EEFSEC: variants seen among roughly 807,000 people sequenced by gnomAD.
EEFSEC encodes the protein selenocysteine-specific elongation factor.
In EEFSEC, 43 loss-of-function variants were observed where a neutral mutation model predicts 42.1. The observed-to-expected ratio is 1.02, with a 90% CI of 0.80 to 1.32. The LOEUF (loss-of-function observed/expected upper bound fraction) is 1.32. Among genes scored for constraint, EEFSEC ranks in the 40% most tolerant of loss-of-function variants. The pLI, the probability that EEFSEC is intolerant of heterozygous loss-of-function variation, is 0.00. For missense variants in EEFSEC, 745 were observed against 803.6 expected (o/e 0.93, Z 0.88); for synonymous variants, 354 against 339.1 (o/e 1.04, Z -0.48).
chr3:128,300,962 T>G (rs2066760806), intron 4 of EEFSEC, among the ~76,000 whole-genome samples: 3 of 152,208 alleles, frequency 2.0e-5, no homozygotes, highest in Admixed American at 2.0e-4. Context: ...TTATTTTATC[T>G]TATTGTCTAT....
intron 4 of EEFSEC, among the ~76,000 whole-genome samples, chr3:128,274,014 C>T (rs899985670): frequency 6.6e-6 from 1 of 152,176 alleles, no homozygotes; most frequent in Non-Finnish European, 1.5e-5. Flanking sequence ...TCAAGCCCTG[C>T]CCCAGCCCAA....
chr3:128,168,146 G>T (rs2065260523), intron 1 of EEFSEC, among the ~76,000 whole-genome samples: 1 of 152,126 alleles, frequency 6.6e-6, no homozygotes, highest in African/African-American at 2.4e-5. Context: ...CCAGAGCTTG[G>T]GGATGGGGAA....
intron 6 of EEFSEC, among the ~76,000 whole-genome samples, chr3:128,388,682 G>A (rs761617093): frequency 6.6e-6 from 1 of 152,230 alleles, no homozygotes; most frequent in Admixed American, 6.5e-5. Flanking sequence ...TTGCCTCTTC[G>A]AGGCCTTCTC....
At chr3:128,373,373 A>G (rs1173765213) in intron 6 of EEFSEC, among the ~76,000 whole-genome samples, 1 of 152,190 alleles carries the variant, frequency 6.6e-6, no homozygotes, top group Non-Finnish European at 1.5e-5. Flanking sequence ...ACCTGGCCAC[A>G]GAGTCAGCTG....
At chr3:128,370,269 C>T in intron 6 of EEFSEC, among the ~76,000 whole-genome samples, 1 of 152,072 alleles carries the variant, frequency 6.6e-6, no homozygotes, top group Admixed American at 6.5e-5. Context: ...ATAGGCAATG[C>T]TAGGTTTGAC....
rs1403298674 is a variant in EEFSEC, at chr3:128,296,774, C to T, written c.786+31993C>T. On this transcript the variant is annotated intron_variant, in intron 4 of 6. Transcript: ENST00000254730. ...TGCCCCTGAGATGGCCTGAAAGACACGATTTGGATTTGTCCCAGTTGGCAT... is the reference window on the plus strand; with the variant it reads ...TGCCCCTGAGATGGCCTGAAAGACATGATTTGGATTTGTCCCAGTTGGCAT... 3.3e-5 allele frequency among the ~76,000 whole-genome samples: 5 copies of T among 152,318 alleles called. No homozygotes were observed. The East Asian group carries it at 5.8e-4, about 18-fold the overall frequency.
intron 1 of EEFSEC, among the ~76,000 whole-genome samples, chr3:128,207,649 T>G (rs2065713034): frequency 6.6e-6 from 1 of 151,768 alleles, no homozygotes; most frequent in Non-Finnish European, 1.5e-5. Context: ...TTCTTTTGAC[T>G]TAATGTTTTT....
chr3:128,244,312 C>T (rs1254493070), intron 1 of EEFSEC, among the ~76,000 whole-genome samples: 3 of 152,122 alleles, frequency 2.0e-5, no homozygotes, highest in African/African-American at 7.2e-5. Context: ...TTGGGCTCAG[C>T]TTGTGTGAGG....
At chr3:128,249,566 G>A (rs1365569649) in intron 2 of EEFSEC, among the ~76,000 whole-genome samples, 2 of 152,012 alleles carry the variant, frequency 1.3e-5, no homozygotes, top group Non-Finnish European at 2.9e-5. Context: ...CATAAACTCT[G>A]TAGCCATTAA....
intron 3 of EEFSEC, 83 bp downstream of exon 3, chr3:128,262,307 GAGAA>G (rs753089591): frequency 2.6e-4 from 330 of 1,267,972 alleles, no homozygotes; most frequent in Non-Finnish European, 3.4e-4. Context: ...TCCCCTGAGA[GAGAA>G]AGAGAGGCAG....
At chr3:128,175,115 C>G (rs1039897035) in intron 1 of EEFSEC, among the ~76,000 whole-genome samples, 1 of 151,754 alleles carries the variant, frequency 6.6e-6, no homozygotes, top group Non-Finnish European at 1.5e-5. Context: ...TGCTCTACTC[C>G]TCCTCCCTTC....
At chr3:128,337,001 G>A (rs1270473432) in intron 4 of EEFSEC, 1 of 152,234 alleles carries the variant, frequency 6.6e-6, no homozygotes, top group Non-Finnish European at 1.5e-5. Context: ...GCGAATGTTT[G>A]AGGAGTGAGT....
At chr3:128,215,249 G>T (rs527473776) in intron 1 of EEFSEC, among the ~76,000 whole-genome samples, 1 of 152,250 alleles carries the variant, frequency 6.6e-6, no homozygotes, top group Admixed American at 6.5e-5. Flanking sequence ...CTCCTTTTGT[G>T]TCTCTCTGCC....
chr3:128,406,244 A>C (rs2068112259), intron 6 of EEFSEC, among the ~76,000 whole-genome samples: 1 of 152,212 alleles, frequency 6.6e-6, no homozygotes, highest in African/African-American at 2.4e-5. Flanking sequence ...TTCCTCATGA[A>C]TACAAGCCCC....
chr3:128,306,309 T>C (rs1021548014), intron 4 of EEFSEC, among the ~76,000 whole-genome samples: 3 of 152,318 alleles, frequency 2.0e-5, no homozygotes, highest in African/African-American at 7.2e-5. Context: ...TTTTATAAAT[T>C]GTTTGTTTTT....
chr3:128,325,451 G>A (rs1449152292), intron 4 of EEFSEC, among the ~76,000 whole-genome samples: 2 of 152,190 alleles, frequency 1.3e-5, no homozygotes, highest in South Asian at 2.1e-4. Context: ...GTCAGGTGGT[G>A]GTGAGGTTGG....
intron 4 of EEFSEC, among the ~76,000 whole-genome samples, chr3:128,285,758 C>T (rs2066578218): frequency 1.3e-5 from 2 of 152,112 alleles, no homozygotes; most frequent in Non-Finnish European, 2.9e-5. Flanking sequence ...GCCAGTCCCA[C>T]GTTCCTGGAG....
At chr3:128,386,607 G>A (rs2067841407) in intron 6 of EEFSEC, among the ~76,000 whole-genome samples, 1 of 152,090 alleles carries the variant, frequency 6.6e-6, no homozygotes, top group South Asian at 2.1e-4. Context: ...ACCTGAGACT[G>A]GATAATTTAT....
intron 1 of EEFSEC, among the ~76,000 whole-genome samples, chr3:128,214,970 G>A (rs994911158): frequency 2.0e-5 from 3 of 152,164 alleles, no homozygotes; most frequent in Admixed American, 2.0e-4. Flanking sequence ...GAAGATGGAT[G>A]TGGGAAAGTT....
Sources: gnomAD v4.1 joint callset for allele counts (sites outside exome capture counted in the v4.1 genomes callset) on GRCh38, gnomAD v4.1.1 for gene constraint, MANE v1.5 for transcripts, NCBI Gene and HGNC (gene_info 2026-07-23, HGNC 2026-07-21) for gene names.